KSR2: variants seen among roughly 807,000 people sequenced by gnomAD.
The protein encoded by KSR2 is kinase suppressor of ras 2.
KSR2 carries 25 observed loss-of-function variants against 107.8 expected under a neutral mutation model. The observed-to-expected ratio is 0.23, with a 90% confidence interval of 0.17 to 0.32. The LOEUF (loss-of-function observed/expected upper bound fraction) is 0.32, where lower values mean the gene tolerates loss of function less well. Ranked by LOEUF, KSR2 falls within the 10% of genes least tolerant of loss-of-function variation. The pLI, the probability that KSR2 is intolerant of heterozygous loss-of-function variation, is 1.00. For synonymous variants in KSR2, 480 were observed against 507.0 expected (o/e 0.95, Z 0.71); for missense variants, 887 against 1,268.9 (o/e 0.70, Z 4.57).
intron 3 of KSR2, among the ~76,000 whole-genome samples, chr12:117,828,488 T>C (rs904439996): frequency 2.0e-5 from 3 of 152,250 alleles, no homozygotes; most frequent in Non-Finnish European, 4.4e-5. Flanking sequence ...ATTTGCTTTA[T>C]GTATTATAAC....
chr12:117,468,564 G>A (rs1251841846), intron 19 of KSR2, among the ~76,000 whole-genome samples: 5 of 152,350 alleles, frequency 3.3e-5, no homozygotes, highest in African/African-American at 1.2e-4. Context: ...GGGGACATCT[G>A]CTCTTCAGGA....
At chr12:117,801,449 GA>G (rs992926466) in intron 3 of KSR2, among the ~76,000 whole-genome samples, 12 of 152,256 alleles carry the variant, frequency 7.9e-5, no homozygotes, top group Non-Finnish European at 1.6e-4. Flanking sequence ...AATTTACAAA[GA>G]AAAGAGGTTT....
At chr12:117,836,969 T>C (rs1443192539) in intron 3 of KSR2, among the ~76,000 whole-genome samples, 1 of 152,222 alleles carries the variant, frequency 6.6e-6, no homozygotes, top group Non-Finnish European at 1.5e-5. Flanking sequence ...CTAGTTATTA[T>C]TTGGAGGCTG....
At chr12:117,574,757 T>C (rs111263281) in intron 7 of KSR2, among the ~76,000 whole-genome samples, 3 of 152,102 alleles carry the variant, frequency 2.0e-5, no homozygotes, top group African/African-American at 4.8e-5. Flanking sequence ...GCCCCAAGAA[T>C]GTGCATTTCT....
At chr12:117,585,790 C>T (rs988153686) in intron 5 of KSR2, among the ~76,000 whole-genome samples, 3 of 152,226 alleles carry the variant, frequency 2.0e-5, no homozygotes, top group Non-Finnish European at 4.4e-5. Context: ...TTCTTTTCTA[C>T]TCTAATTTTC....
At chr12:117,859,181 C>T (rs936210438) in intron 2 of KSR2, among the ~76,000 whole-genome samples, 43 of 119,316 alleles carry the variant, frequency 3.6e-4, no homozygotes, top group African/African-American at 1.4e-3. Context: ...GAGTCTTTCT[C>T]TACACCCAGG....
intron 1 of KSR2, among the ~76,000 whole-genome samples, chr12:117,899,980 C>T (rs1005817947): frequency 1.3e-5 from 2 of 152,188 alleles, no homozygotes; most frequent in Non-Finnish European, 1.5e-5. Flanking sequence ...GCCAACAACT[C>T]GAATGACCTT....
intron 4 of KSR2, among the ~76,000 whole-genome samples, chr12:117,701,075 C>T (rs546671252): frequency 6.6e-6 from 1 of 152,204 alleles, no homozygotes; most frequent in South Asian, 2.1e-4. Flanking sequence ...AGGAGGAAAA[C>T]TTTGTTTGTT....
chr12:117,549,829 G>T (rs980344743), intron 9 of KSR2, among the ~76,000 whole-genome samples: 1 of 152,160 alleles, frequency 6.6e-6, no homozygotes, highest in African/African-American at 2.4e-5. Flanking sequence ...AGGATAGAGG[G>T]AAAGAGGGAG....
At chr12:117,819,833 A>G (rs1382380963) in intron 3 of KSR2, among the ~76,000 whole-genome samples, 1 of 152,156 alleles carries the variant, frequency 6.6e-6, no homozygotes, top group Non-Finnish European at 1.5e-5. Context: ...TCAAAAATTA[A>G]TGACATGGCC....
At chr12:117,591,372 G>C (rs182076431) in intron 5 of KSR2, among the ~76,000 whole-genome samples, 3 of 152,130 alleles carry the variant, frequency 2.0e-5, no homozygotes, top group African/African-American at 7.2e-5. Context: ...GCTGATCCCA[G>C]GCAGAAGAGG....
chr12:117,467,242 TC>T (rs781107847), intron 19 of KSR2, 37 bp from the exon 20 acceptor site: 1 of 711,300 alleles, frequency 1.4e-6, no homozygotes, highest in East Asian at 2.8e-5. Flanking sequence ...TGGTGAGAGG[TC>T]ACAAGGACAT....
chr12:117,897,368 G>A lies in KSR2; in HGVS notation c.181-36937C>T, dbSNP rs1160971629. ...CCTGACCCAGCAAGTCTGAGATCTC[G>A]GCTTCTTTTAAGAAAAAAAGAAAGC... On this transcript the variant is annotated intron_variant, in intron 1 of 19. Coordinates refer to ENST00000339824, the MANE Select transcript of KSR2 (RefSeq NM_173598.6). The surrounding 1 kb of genome is among the most constrained non-coding windows in gnomAD (Gnocchi z 4.5). Among the ~76,000 whole-genome samples the A allele has an allele frequency of 2.6e-5, 4 of 151,984 alleles. No individual in the cohort carries two copies. The highest frequency in any genetic ancestry group is 4.4e-5 in the Non-Finnish European group (3 of 68,002).
intron 1 of KSR2, among the ~76,000 whole-genome samples, chr12:117,902,704 G>A (rs1480646092): frequency 1.3e-5 from 2 of 151,986 alleles, no homozygotes; most frequent in East Asian, 1.9e-4. Flanking sequence ...GTAACAAACC[G>A]TCACGTTCTG....
At chr12:117,953,432 TG>T (rs1896422331) in intron 1 of KSR2, among the ~76,000 whole-genome samples, 1 of 152,200 alleles carries the variant, frequency 6.6e-6, no homozygotes, top group South Asian at 2.1e-4. Flanking sequence ...ACCTAAAAAA[TG>T]TTCAACTTGA....
At chr12:117,848,446 G>A (rs2570558) in intron 3 of KSR2, among the ~76,000 whole-genome samples, 113,560 of 152,198 alleles carry the variant, frequency 0.75, 42,915 homozygotes, top group African/African-American at 0.83. Context: ...TAGTAACCAC[G>A]GAGGAAAACT....
At chr12:117,930,267 C>T (rs552953225) in intron 1 of KSR2, among the ~76,000 whole-genome samples, 1 of 152,180 alleles carries the variant, frequency 6.6e-6, no homozygotes, top group East Asian at 1.9e-4. Flanking sequence ...CTCCAGAGCT[C>T]CAATAATCTG....
chr12:117,812,236 T>C (rs185198296), intron 3 of KSR2, among the ~76,000 whole-genome samples: 168 of 152,294 alleles, frequency 1.1e-3, no homozygotes, highest in African/African-American at 3.8e-3. Context: ...TACACACAGA[T>C]TTCTAAGACT....
intron 3 of KSR2, among the ~76,000 whole-genome samples, chr12:117,843,980 C>T (rs991056732): frequency 7.1e-6 from 1 of 141,770 alleles, no homozygotes; most frequent in African/African-American, 2.6e-5. Context: ...TTCCTACGGT[C>T]GTATAAGTCT....
Sources: allele counts gnomAD v4.1 joint callset (sites outside exome capture counted in the v4.1 genomes callset), GRCh38; gene constraint gnomAD v4.1.1; non-coding constraint Gnocchi (gnomAD v3.1); transcripts MANE v1.5; gene names NCBI Gene and HGNC (gene_info 2026-07-23, HGNC 2026-07-21).